Variants in MALRD1 observed in about 807,000 individuals in gnomAD.
The protein encoded by MALRD1 is MAM and LDL receptor class A domain containing 1, also known as MAM and LDL-receptor class A domain-containing protein 1.
In MALRD1, 247 loss-of-function variants were observed where a neutral mutation model predicts 242.1. That is an observed-to-expected ratio of 1.02 (90% confidence interval 0.92 to 1.13). The LOEUF is 1.13. Ranked by LOEUF, MALRD1 falls within the 50% of genes most tolerant of loss-of-function variation. The probability of loss-of-function intolerance (pLI) is 0.00; values close to 1 mark genes in which losing one functional copy is unlikely to be tolerated. For missense variants in MALRD1, 2,989 were observed against 2,533.1 expected, an observed-to-expected ratio of 1.18 and a Z score of -3.86; for synonymous variants, 995 against 866.6, an observed-to-expected ratio of 1.15 and a Z score of -2.60.
At chr10:19,682,211 G>A (rs1046283121) in intron 36 of MALRD1, among the ~76,000 whole-genome samples, 6 of 152,066 alleles carry the variant, frequency 3.9e-5, no homozygotes, top group Admixed American at 6.6e-5. Context: ...CTTAGAAAAC[G>A]TGAGGTTCCT....
chr10:19,480,132 C>T (rs1836929597), intron 29 of MALRD1, among the ~76,000 whole-genome samples: 1 of 152,158 alleles, frequency 6.6e-6, no homozygotes, highest in African/African-American at 2.4e-5. Context: ...CATCTCCGGA[C>T]CACACATGGA....
chr10:19,056,152 C>G (rs968428897), intron 1 of MALRD1, among the ~76,000 whole-genome samples: 1 of 151,958 alleles, frequency 6.6e-6, no homozygotes, highest in African/African-American at 2.4e-5. Context: ...GTTCTTTTTG[C>G]TCCAGATTGT....
At chr10:19,373,874 G>C (rs969285629) in intron 26 of MALRD1, among the ~76,000 whole-genome samples, 12 of 152,122 alleles carry the variant, frequency 7.9e-5, no homozygotes, top group African/African-American at 2.9e-4. Context: ...ATTTTCACTA[G>C]ATATACAAGA....
intron 32 of MALRD1, among the ~76,000 whole-genome samples, chr10:19,537,862 T>C (rs1834760425): frequency 6.6e-6 from 1 of 152,078 alleles, no homozygotes; most frequent in Admixed American, 6.6e-5. Context: ...ATGTGAATCT[T>C]GGGGAGTAAT....
intron 36 of MALRD1, among the ~76,000 whole-genome samples, chr10:19,644,397 G>T (rs935656148): frequency 6.2e-5 from 1 of 16,206 alleles, no homozygotes; most frequent in Admixed American, 6.0e-4. Context: ...GGCTCAGAAG[G>T]TTCTTACTGC....
At chr10:19,052,455 A>C (rs1205098683) in intron 1 of MALRD1, among the ~76,000 whole-genome samples, 1 of 152,188 alleles carries the variant, frequency 6.6e-6, no homozygotes, top group Non-Finnish European at 1.5e-5. Context: ...GGATCAAGAA[A>C]GTGTATTTAA....
intron 2 of MALRD1, among the ~76,000 whole-genome samples, chr10:19,071,302 ATT>A (rs11387302): frequency 1.4e-5 from 2 of 146,100 alleles, no homozygotes; most frequent in East Asian, 2.0e-4. Context: ...GGGGGCACTC[ATT>A]TTTTTTTTTT....
At chr10:19,419,703 A>C (rs1240500790) in intron 28 of MALRD1, among the ~76,000 whole-genome samples, 1 of 152,174 alleles carries the variant, frequency 6.6e-6, no homozygotes. Flanking sequence ...ATTCCAGCCC[A>C]AAACAGTGAT....
At chr10:19,501,760 G>T (rs1837982883) in intron 31 of MALRD1, among the ~76,000 whole-genome samples, 1 of 152,074 alleles carries the variant, frequency 6.6e-6, no homozygotes, top group South Asian at 2.1e-4. Context: ...GGCTGGGCAG[G>T]GTGGCTCATG....
In MALRD1 at chr10:19,634,151, T is replaced by C. The variant is rs1368450837; in HGVS notation, c.6137+18228T>C. On this transcript the variant is annotated intron_variant, in intron 36 of 39. Coordinates refer to ENST00000454679, the MANE Select transcript of MALRD1 (RefSeq NM_001142308.3). ...CCACCCCACCCGGCTACACAGTTTCTTCTTAAAATACCTGCCAGGCCCAGA... is the reference window on the plus strand; with the variant it reads ...CCACCCCACCCGGCTACACAGTTTCCTCTTAAAATACCTGCCAGGCCCAGA... Among the ~76,000 whole-genome samples the C allele has an allele frequency of 2.0e-5, 3 of 152,174 alleles. No individual in the cohort carries two copies. In the East Asian group the frequency reaches 5.8e-4, roughly 30 times the overall value.
intron 38 of MALRD1, among the ~76,000 whole-genome samples, chr10:19,712,040 C>T (rs1431907566): frequency 6.6e-6 from 1 of 152,122 alleles, no homozygotes; most frequent in African/African-American, 2.4e-5. Flanking sequence ...GTTTCAGGTC[C>T]TTGATACTAT....
intron 33 of MALRD1, among the ~76,000 whole-genome samples, chr10:19,583,970 G>A (rs2131518355): frequency 6.6e-6 from 1 of 152,180 alleles, no homozygotes; most frequent in South Asian, 2.1e-4. Flanking sequence ...TGTGTGTCGA[G>A]GAATTTATGC....
At chr10:19,177,779 C>G (rs539014281) in intron 14 of MALRD1, among the ~76,000 whole-genome samples, 1 of 152,096 alleles carries the variant, frequency 6.6e-6, no homozygotes, top group African/African-American at 2.4e-5. Flanking sequence ...CCAATGGTAA[C>G]AGACTGAGCA....
intron 29 of MALRD1, among the ~76,000 whole-genome samples, chr10:19,485,035 G>C (rs1837176784): frequency 6.6e-6 from 1 of 152,226 alleles, no homozygotes; most frequent in Admixed American, 6.5e-5. Flanking sequence ...AACTTGGATG[G>C]AACTGAAAGC....
intron 31 of MALRD1, among the ~76,000 whole-genome samples, chr10:19,528,397 A>G (rs146887866): frequency 0.022 from 3,377 of 152,270 alleles, 60 homozygotes; most frequent in African/African-American, 0.045. Flanking sequence ...GATCGAGACC[A>G]TCCTGGGCAA....
At chr10:19,335,877 C>T (rs1843586694) in intron 24 of MALRD1, among the ~76,000 whole-genome samples, 1 of 151,952 alleles carries the variant, frequency 6.6e-6, no homozygotes, top group Non-Finnish European at 1.5e-5. Context: ...CATAGATATA[C>T]ACGTGCCATG....
Position 19,666,565 on chromosome 10 carries a change from A to G in MALRD1, c.6138-25717A>G, listed in dbSNP as rs559834500. Among the ~76,000 whole-genome samples the G allele has an allele frequency of 3.1e-4, 47 of 152,260 alleles. No individual in the cohort carries two copies. In the South Asian group the frequency reaches 7.7e-3, roughly 25 times the overall value. ...TCCATTCTTACCAAACTTAAATTCCATGATCCATTATTGCGAGTATTCTCT... is the reference window on the plus strand; with the variant it reads ...TCCATTCTTACCAAACTTAAATTCCGTGATCCATTATTGCGAGTATTCTCT... On this transcript the variant is annotated intron_variant, in intron 36 of 39. Coordinates refer to ENST00000454679, the MANE Select transcript of MALRD1 (RefSeq NM_001142308.3).
intron 36 of MALRD1, among the ~76,000 whole-genome samples, chr10:19,616,578 G>T (rs1839168249): frequency 6.6e-6 from 1 of 151,910 alleles, no homozygotes; most frequent in African/African-American, 2.4e-5. Flanking sequence ...TTGTGTTTAT[G>T]CCTTTATAAT....
chr10:19,344,474 T>C (rs935291985), intron 24 of MALRD1, among the ~76,000 whole-genome samples: 5 of 152,058 alleles, frequency 3.3e-5, no homozygotes, highest in Admixed American at 1.3e-4. Flanking sequence ...CATGGAGCTA[T>C]TTCTGGGTTC....
Sources: gnomAD v4.1 joint callset for allele counts (sites outside exome capture counted in the v4.1 genomes callset) on GRCh38, gnomAD v4.1.1 for gene constraint, MANE v1.5 for transcripts, NCBI Gene and HGNC (gene_info 2026-07-23, HGNC 2026-07-21) for gene names.